Variants in ERCC6 observed in about 807,000 individuals in gnomAD.
ERCC6 encodes the protein DNA excision repair protein ERCC-6.
ERCC6 carries 116 observed loss-of-function variants against 158.7 expected under a neutral mutation model. The observed-to-expected ratio is 0.73, with a 90% CI of 0.63 to 0.85. ERCC6 has a LOEUF of 0.85. Ranked by LOEUF, ERCC6 falls within the 40% of genes least tolerant of loss-of-function variation. The probability of loss-of-function intolerance (pLI) is 0.00; values close to 1 mark genes in which losing one functional copy is unlikely to be tolerated. For missense variants in ERCC6, 1,698 were observed against 1,799.4 expected, an observed-to-expected ratio of 0.94 and a Z score of 1.02; for synonymous variants, 678 against 659.3, an observed-to-expected ratio of 1.03 and a Z score of -0.43.
At chr10:49,514,065 T>C (rs1008491830) in intron 5 of ERCC6, among the ~76,000 whole-genome samples, 1 of 152,126 alleles carries the variant, frequency 6.6e-6, no homozygotes. Flanking sequence ...GTCCTCTAAC[T>C]GCCACAGAAC....
intron 12 of ERCC6, among the ~76,000 whole-genome samples, chr10:49,474,452 A>G (rs928293096): frequency 1.3e-5 from 2 of 152,228 alleles, no homozygotes; most frequent in Non-Finnish European, 2.9e-5. Flanking sequence ...CTCAGAAACA[A>G]AAAAATTCTA....
Position 49,459,127 on chromosome 10 carries a change from C to T in ERCC6, c.4170G>A (p.Leu1390=), listed in dbSNP as rs1456386890. 1 of 1,614,174 alleles carries T rather than the reference C, an allele frequency of 6.2e-7. No homozygotes were observed. Among genetic ancestry groups the T allele is most frequent in the African/African-American group, 1.3e-5 (1 of 75,028 alleles). The change falls in exon 21 of 21, where the codon TTG becomes TTA. Residue 1390 remains leucine, a synonymous_variant. Coordinates refer to ENST00000355832, the MANE Select transcript of ERCC6 (RefSeq NM_000124.4). ...GGTGGTTTCTAGCTCTCATTTTAGC[C>T]AAGAGTGAGGAGGAAGCGAGGGGCC... The part of the protein sequence containing the change: ...SSGPLASSSL[L]AKMRARNHLI...
At chr10:49,472,311 T>C in intron 16 of ERCC6, 65 bp downstream of exon 16, 1 of 1,403,716 alleles carries the variant, frequency 7.1e-7, no homozygotes, top group Admixed American at 1.7e-5. Context: ...AACAACACTT[T>C]GGAAAAATTC....
chr10:49,495,812 C>T (rs1851257088), intron 7 of ERCC6, among the ~76,000 whole-genome samples: 1 of 152,218 alleles, frequency 6.6e-6, no homozygotes, highest in Non-Finnish European at 1.5e-5. Flanking sequence ...TCTCCGTCTA[C>T]ACTGTTGCTA....
chr10:49,503,564 C>T (rs1851390433), intron 6 of ERCC6: 1 of 152,012 alleles, frequency 6.6e-6, no homozygotes, highest in African/African-American at 2.4e-5. Flanking sequence ...AAAGCACTAG[C>T]CACACAGCTG....
intron 5 of ERCC6, chr10:49,506,323 A>C (rs1851442308): frequency 5.3e-6 from 2 of 374,920 alleles, no homozygotes; most frequent in Non-Finnish European, 9.7e-6. Flanking sequence ...CTGGTTCGTA[A>C]GACATGAAAT....
At chr10:49,483,819 T>C (rs1167225083) in intron 8 of ERCC6, among the ~76,000 whole-genome samples, 1 of 151,706 alleles carries the variant, frequency 6.6e-6, no homozygotes, top group Non-Finnish European at 1.5e-5. Flanking sequence ...TTGTGTCCAT[T>C]CTTGTCAAAA....
intron 4 of ERCC6, among the ~76,000 whole-genome samples, chr10:49,527,384 G>T (rs896241559): frequency 6.6e-6 from 1 of 152,156 alleles, no homozygotes; most frequent in Admixed American, 6.5e-5. Flanking sequence ...TTAAAACCAC[G>T]TACTTTTGGG....
chr10:49,488,707 T>C (rs1413715927), intron 8 of ERCC6, among the ~76,000 whole-genome samples: 1 of 151,816 alleles, frequency 6.6e-6, no homozygotes, highest in Non-Finnish European at 1.5e-5. Flanking sequence ...GTCTTTTTGC[T>C]CTAGTGTTTC....
At chr10:49,459,369 TC>T in intron 20 of ERCC6, 135 bp from the exon 21 acceptor site, 1 of 856,424 alleles carries the variant, frequency 1.2e-6, no homozygotes, top group Non-Finnish European at 1.9e-6. Flanking sequence ...AGACTGAGAC[TC>T]CACCTAATGA....
chr10:49,485,523 T>C (rs1204933326), intron 8 of ERCC6, among the ~76,000 whole-genome samples: 1 of 152,206 alleles, frequency 6.6e-6, no homozygotes, highest in Non-Finnish European at 1.5e-5. Flanking sequence ...GTATATATTT[T>C]TAAATGTTAC....
intron 20 of ERCC6, 65 bp downstream of exon 20, chr10:49,460,308 G>A: frequency 8.6e-7 from 1 of 1,166,712 alleles, no homozygotes; most frequent in African/African-American, 1.5e-5. Flanking sequence ...AGAATCAGGT[G>A]AAATTTTCAC....
intron 9 of ERCC6, 124 bp from the exon 10 acceptor site, chr10:49,482,987 C>G: frequency 2.0e-6 from 2 of 991,886 alleles, no homozygotes; most frequent in Non-Finnish European, 3.1e-6. Context: ...CATTTTGGTA[C>G]TCTCCAAAAC....
Position 49,486,649 on chromosome 10 carries a change from G to C in ERCC6, c.1822-3133C>G, listed in dbSNP as rs575856979. ...GCTACAAAATCTGAACATTTTGACA[G>C]ATATGATAGCTAAAAAGTTCGTTGC... On this transcript the variant is annotated intron_variant, in intron 8 of 20. Coordinates refer to ENST00000355832, the MANE Select transcript of ERCC6 (RefSeq NM_000124.4). Among the ~76,000 whole-genome samples, 11 of 152,278 alleles carry C rather than the reference G, an allele frequency of 7.2e-5. No homozygotes were observed. In the South Asian group the frequency reaches 2.3e-3, roughly 32 times the overall value.
chr10:49,529,902 A>G (rs576360518), intron 3 of ERCC6, among the ~76,000 whole-genome samples: 31 of 152,312 alleles, frequency 2.0e-4, no homozygotes, highest in African/African-American at 7.2e-4. Context: ...CAAACTTCAT[A>G]AAAATAATAT....
downstream of ERCC6, among the ~76,000 whole-genome samples, chr10:49,451,528 C>G (rs1160624732): frequency 6.6e-6 from 1 of 152,108 alleles, no homozygotes; most frequent in Non-Finnish European, 1.5e-5. Context: ...ATTTTTGCAT[C>G]AGTAGAGATG....
In ERCC6 at chr10:49,456,018, C is replaced by G. The variant is rs965715341; in HGVS notation, c.*2797G>C. The G allele has an allele frequency of 6.6e-6, 1 of 152,122 alleles. No individual in the cohort carries two copies. The highest frequency in any genetic ancestry group is 2.4e-5 in the African/African-American group (1 of 41,416). 9.4% of individuals were successfully genotyped at this position (152,122 alleles called of 1,614,324 possible). On this transcript the variant is annotated 3_prime_UTR_variant, in exon 21 of 21. Coordinates refer to ENST00000355832, the MANE Select transcript of ERCC6 (RefSeq NM_000124.4). ...TTCTGTGCAGGCAGAGCTATACTTACAGGAATAGAAATGTCTTGCATATAA... is the reference window on the plus strand; with the variant it reads ...TTCTGTGCAGGCAGAGCTATACTTAGAGGAATAGAAATGTCTTGCATATAA...
chr10:49,460,073 C>T, intron 20 of ERCC6: 1 of 459,450 alleles, frequency 2.2e-6, no homozygotes, highest in Admixed American at 3.4e-5. Flanking sequence ...GGAGCTGGCA[C>T]TTTCCCTCTA....
chr10:49,471,807 T>C (rs1315013757), intron 16 of ERCC6, among the ~76,000 whole-genome samples: 1 of 152,238 alleles, frequency 6.6e-6, no homozygotes, highest in Non-Finnish European at 1.5e-5. Flanking sequence ...AAAGCTGGGC[T>C]ATGGCTCAAG....
Sources: allele counts gnomAD v4.1 joint callset (sites outside exome capture counted in the v4.1 genomes callset), GRCh38; gene constraint gnomAD v4.1.1; transcripts MANE v1.5; gene names NCBI Gene and HGNC (gene_info 2026-07-23, HGNC 2026-07-21).